Variants in FHOD3 observed in about 807,000 individuals in gnomAD.
FHOD3 encodes formin homology 2 domain containing 3, also known as FH1/FH2 domain-containing protein 3.
In FHOD3, 90 loss-of-function variants were observed where a neutral mutation model predicts 173.0. The observed-to-expected ratio is 0.52, with a 90% CI of 0.44 to 0.62. FHOD3 has a LOEUF of 0.62. Among genes scored for constraint, FHOD3 ranks in the 20% least tolerant of loss-of-function variants. The pLI is 0.00. For missense variants in FHOD3, 1,945 were observed against 2,034.7 expected, an observed-to-expected ratio of 0.96 and a Z score of 0.85; for synonymous variants, 828 against 823.0, an observed-to-expected ratio of 1.01 and a Z score of -0.10.
intron 3 of FHOD3, among the ~76,000 whole-genome samples, chr18:36,469,372 G>A (rs1445360549): frequency 2.0e-5 from 3 of 152,216 alleles, no homozygotes; most frequent in South Asian, 2.1e-4. Flanking sequence ...AGCTTTTATC[G>A]CCGAGCTGCC....
At chr18:36,673,461 T>C (rs182605450) in intron 14 of FHOD3, among the ~76,000 whole-genome samples, 1 of 152,148 alleles carries the variant, frequency 6.6e-6, no homozygotes, top group African/African-American at 2.4e-5. Flanking sequence ...GAAAAAACAA[T>C]GTAAGCCATT....
intron 2 of FHOD3, among the ~76,000 whole-genome samples, chr18:36,370,181 A>G (rs1598868435): frequency 6.6e-6 from 1 of 151,944 alleles, no homozygotes; most frequent in African/African-American, 2.4e-5. Flanking sequence ...CCTCTTCCCC[A>G]CCTCAGCCTG....
At chr18:36,766,847 A>G (rs1600635186) in intron 27 of FHOD3, among the ~76,000 whole-genome samples, 1 of 152,350 alleles carries the variant, frequency 6.6e-6, no homozygotes, top group East Asian at 1.9e-4. Context: ...TGCTCTGCAA[A>G]TGTATTATGA....
At chr18:36,577,315 T>G (rs561363998) in intron 6 of FHOD3, among the ~76,000 whole-genome samples, 2 of 152,194 alleles carry the variant, frequency 1.3e-5, no homozygotes, top group East Asian at 3.9e-4. Flanking sequence ...TTTATTTTAT[T>G]TATTGAGACA....
chr18:36,305,960 G>C (rs1224970042), intron 1 of FHOD3, among the ~76,000 whole-genome samples: 1 of 152,170 alleles, frequency 6.6e-6, no homozygotes, highest in African/African-American at 2.4e-5. Context: ...GTGACATTGG[G>C]GTTGAGACAA....
intron 3 of FHOD3, among the ~76,000 whole-genome samples, chr18:36,493,215 T>TTC (rs773123959): frequency 2.4e-4 from 7 of 29,456 alleles, no homozygotes; most frequent in African/African-American, 6.8e-4. Context: ...TTCTTTTTCT[T>TTC]TTTTTTTTTT....
chr18:36,639,337 C>G (rs537006620), intron 10 of FHOD3, among the ~76,000 whole-genome samples: 2 of 151,954 alleles, frequency 1.3e-5, no homozygotes, highest in African/African-American at 2.4e-5. Flanking sequence ...GTCAGGAGAT[C>G]GAGACCATCC....
In FHOD3 at chr18:36,366,079, C is replaced by T. The variant is rs147872576; in HGVS notation, c.273-6601C>T. Among the ~76,000 whole-genome samples the T allele has an allele frequency of 2.0e-4, 31 of 152,274 alleles. No homozygotes were observed. In the East Asian group the frequency reaches 3.9e-3, roughly 19 times the overall value. ...AGATGACTCATTCCTCAGAGGCTGA[C>T]GCACTTAGAGTTGCACACACAGGAG... On this transcript the variant is annotated intron_variant, in intron 2 of 28. Transcript: ENST00000590592.
chr18:36,452,747 C>T (rs905255972), intron 3 of FHOD3, among the ~76,000 whole-genome samples: 1 of 152,016 alleles, frequency 6.6e-6, no homozygotes, highest in Admixed American at 6.6e-5. Context: ...CCCCTAGGTT[C>T]ATCCATGTTG....
intron 19 of FHOD3, among the ~76,000 whole-genome samples, chr18:36,728,414 A>G (rs1000431128): frequency 1.3e-5 from 2 of 152,194 alleles, no homozygotes; most frequent in East Asian, 1.9e-4. Context: ...GGGACTCCTG[A>G]TAAGTTTCTT....
chr18:36,651,025 C>G (rs965552453), intron 11 of FHOD3, among the ~76,000 whole-genome samples: 2 of 152,152 alleles, frequency 1.3e-5, no homozygotes, highest in Non-Finnish European at 2.9e-5. Context: ...TAACCTTCAT[C>G]TGGATGTTAT....
intron 1 of FHOD3, among the ~76,000 whole-genome samples, chr18:36,355,068 A>G (rs893209612): frequency 1.3e-5 from 2 of 152,222 alleles, no homozygotes; most frequent in Admixed American, 1.3e-4. Context: ...ATTGAGCAAC[A>G]TTATTTGTAA....
At chr18:36,407,644 A>G (rs546184568) in intron 3 of FHOD3, among the ~76,000 whole-genome samples, 4 of 152,272 alleles carry the variant, frequency 2.6e-5, no homozygotes, top group African/African-American at 9.6e-5. Flanking sequence ...CCGAAGACAC[A>G]TTTTCCTATA....
intron 3 of FHOD3, among the ~76,000 whole-genome samples, chr18:36,481,174 A>G (rs1364430958): frequency 1.3e-5 from 2 of 151,970 alleles, no homozygotes; most frequent in African/African-American, 4.8e-5. Context: ...TGAAGGAAGG[A>G]GGGGAGCGGT....
In FHOD3 at chr18:36,412,022, G is replaced by A. The variant is rs142012265; in HGVS notation, c.337+39278G>A. On this transcript the variant is annotated intron_variant, in intron 3 of 28. Coordinates refer to ENST00000590592, the MANE Select transcript of FHOD3 (RefSeq NM_001281740.3). ...CAACAAACCACTGGAGTGGTGAGTA[G>A]GATTTGAGCCCTTTGTGTAAAGTGT... Among the ~76,000 whole-genome samples the A allele has an allele frequency of 7.7e-4, 118 of 152,340 alleles. 2 individuals carry two copies. Among genetic ancestry groups the A allele is most frequent in the African/African-American group, 2.7e-3 (114 of 41,578 alleles).
At chr18:36,421,600 T>A (rs1477776311) in intron 3 of FHOD3, among the ~76,000 whole-genome samples, 1 of 152,232 alleles carries the variant, frequency 6.6e-6, no homozygotes, top group African/African-American at 2.4e-5. Flanking sequence ...AAAGGTGACA[T>A]ATACTGTTGA....
intron 10 of FHOD3, among the ~76,000 whole-genome samples, chr18:36,638,503 C>T (rs2035049364): frequency 1.3e-5 from 2 of 152,270 alleles, no homozygotes; most frequent in South Asian, 2.1e-4. Flanking sequence ...ATCTGCCTGC[C>T]TGCTTGGTGG....
intron 10 of FHOD3, among the ~76,000 whole-genome samples, chr18:36,645,715 G>A (rs998716592): frequency 7.2e-5 from 11 of 152,032 alleles, no homozygotes; most frequent in African/African-American, 2.4e-4. Context: ...GAATCTAGCT[G>A]TATATAAAAA....
At chr18:36,459,312 G>C (rs1240779408) in intron 3 of FHOD3, among the ~76,000 whole-genome samples, 1 of 152,214 alleles carries the variant, frequency 6.6e-6, no homozygotes, top group African/African-American at 2.4e-5. Flanking sequence ...TAGAGAAAGA[G>C]AAGGTGGAAA....
Sources: gnomAD v4.1 joint callset for allele counts (sites outside exome capture counted in the v4.1 genomes callset) on GRCh38, gnomAD v4.1.1 for gene constraint, MANE v1.5 for transcripts, NCBI Gene and HGNC (gene_info 2026-07-23, HGNC 2026-07-21) for gene names.